PCDH9: variants seen among roughly 807,000 people sequenced by gnomAD.
The protein encoded by PCDH9 is protocadherin 9.
In PCDH9, 24 loss-of-function variants were observed where a neutral mutation model predicts 70.6. The observed-to-expected ratio is 0.34, with a 90% confidence interval of 0.25 to 0.48. The LOEUF (loss-of-function observed/expected upper bound fraction) is 0.48, where lower values mean the gene tolerates loss of function less well. Among genes scored for constraint, PCDH9 ranks in the 20% least tolerant of loss-of-function variants. The pLI, the probability that PCDH9 is intolerant of heterozygous loss-of-function variation, is 0.99. For missense variants in PCDH9, 1,281 were observed against 1,503.6 expected, an observed-to-expected ratio of 0.85 and a Z score of 2.45; for synonymous variants, 562 against 558.5, an observed-to-expected ratio of 1.01 and a Z score of -0.09.
At chr13:66,965,548 C>A (rs1434724608) in intron 2 of PCDH9, among the ~76,000 whole-genome samples, 2 of 152,116 alleles carry the variant, frequency 1.3e-5, no homozygotes, top group Non-Finnish European at 2.9e-5. Context: ...CTCAAAGATT[C>A]CAAATGTGAC....
At chr13:66,793,972 G>A (rs938883558) in intron 3 of PCDH9, among the ~76,000 whole-genome samples, 6 of 151,968 alleles carry the variant, frequency 3.9e-5, no homozygotes, top group Non-Finnish European at 5.9e-5. Context: ...CTCTAAACCC[G>A]ACATTGCTAA....
At chr13:66,592,439 A>G (rs1426061430) in intron 4 of PCDH9, among the ~76,000 whole-genome samples, 1 of 151,714 alleles carries the variant, frequency 6.6e-6, no homozygotes, top group African/African-American at 2.4e-5. Context: ...GTACTACTGA[A>G]ATTTGATATA....
At chr13:67,156,452 AC>A (rs774236821) in intron 2 of PCDH9, among the ~76,000 whole-genome samples, 6 of 151,896 alleles carry the variant, frequency 4.0e-5, no homozygotes, top group Non-Finnish European at 8.8e-5. Flanking sequence ...CCGACAGGAC[AC>A]ACGCCGGCAC....
chr13:66,647,843 T>A (rs770320332), intron 3 of PCDH9, among the ~76,000 whole-genome samples: 1 of 151,822 alleles, frequency 6.6e-6, no homozygotes, highest in Non-Finnish European at 1.5e-5. Flanking sequence ...AGGGAGTGTC[T>A]CATACTCACG....
intron 3 of PCDH9, among the ~76,000 whole-genome samples, chr13:66,775,598 C>A (rs567376025): frequency 3.3e-5 from 5 of 152,266 alleles, no homozygotes; most frequent in African/African-American, 1.2e-4. Context: ...TTTGTGATGA[C>A]CCACTTCCAC....
chr13:66,825,730 CA>C (rs1163524979), intron 3 of PCDH9, among the ~76,000 whole-genome samples: 1 of 152,120 alleles, frequency 6.6e-6, no homozygotes, highest in Non-Finnish European at 1.5e-5. Context: ...TGTTTCAAAA[CA>C]AAGTCAACAT....
chr13:66,499,533 G>A (rs1959166175), intron 4 of PCDH9, among the ~76,000 whole-genome samples: 1 of 152,146 alleles, frequency 6.6e-6, no homozygotes, highest in African/African-American at 2.4e-5. Flanking sequence ...GCTGTTGGAG[G>A]CATATATAAA....
At chr13:66,575,280 A>AT (rs1221009446) in intron 4 of PCDH9, among the ~76,000 whole-genome samples, 1 of 152,136 alleles carries the variant, frequency 6.6e-6, no homozygotes, top group Non-Finnish European at 1.5e-5. Flanking sequence ...TGACACAGGC[A>AT]TACATGTTAG....
rs918253312 is a variant in PCDH9, at chr13:66,719,584, T to G, written c.3139-88173A>C. Among the ~76,000 whole-genome samples, 3 of 152,162 alleles carry G rather than the reference T, an allele frequency of 2.0e-5. No homozygotes were observed. The South Asian group carries it at 6.2e-4, about 31-fold the overall frequency. The stretch of plus-strand genomic sequence containing the variant: ...CAGAACTGTGAAAACTAAATATCTG[T>G]TTTTTTAATACATTATCCAGTCTAA... On this transcript the variant is annotated intron_variant, in intron 3 of 4. Coordinates refer to ENST00000377865, the MANE Select transcript of PCDH9 (RefSeq NM_203487.3).
At position 66,885,591 on chromosome 13, in the gene PCDH9, T is replaced by C. The variant is rs185428696; in HGVS notation, c.3138+17913A>G. On this transcript the variant is annotated intron_variant, in intron 3 of 4. Coordinates refer to ENST00000377865, the MANE Select transcript of PCDH9 (RefSeq NM_203487.3). ...AAGAGAGAAAGAGTTCAAGTAACAA[T>C]TGGGATTATGCATTTATATTGCCAA... Among the ~76,000 whole-genome samples, 177 of 152,256 alleles carry C rather than the reference T, an allele frequency of 1.2e-3. 2 individuals carry two copies. Among genetic ancestry groups the C allele is most frequent in the Non-Finnish European group, 2.1e-3 (140 of 68,002 alleles).
At chr13:67,097,673 A>T (rs1226676043) in intron 2 of PCDH9, among the ~76,000 whole-genome samples, 1 of 152,012 alleles carries the variant, frequency 6.6e-6, no homozygotes, top group African/African-American at 2.4e-5. Flanking sequence ...CAAAAAGAAA[A>T]TTTAATTTTA....
intron 2 of PCDH9, among the ~76,000 whole-genome samples, chr13:67,196,347 AG>A (rs2089065427): frequency 6.6e-6 from 1 of 152,104 alleles, no homozygotes; most frequent in African/African-American, 2.4e-5. Flanking sequence ...GGACTGAGAG[AG>A]AATGGTACTT....
intron 3 of PCDH9, among the ~76,000 whole-genome samples, chr13:66,747,417 T>C (rs1195626504): frequency 6.6e-6 from 1 of 152,038 alleles, no homozygotes; most frequent in Admixed American, 6.5e-5. Flanking sequence ...ATATATGGCA[T>C]GACCAAAACT....
intron 3 of PCDH9, among the ~76,000 whole-genome samples, chr13:66,718,006 GT>G (rs2139146114): frequency 6.6e-6 from 1 of 152,168 alleles, no homozygotes; most frequent in South Asian, 2.1e-4. Flanking sequence ...ACTACAGATT[GT>G]TTTTCATATT....
At chr13:66,939,240 T>C (rs1052709371) in intron 2 of PCDH9, among the ~76,000 whole-genome samples, 2 of 152,164 alleles carry the variant, frequency 1.3e-5, no homozygotes, top group South Asian at 2.1e-4. Flanking sequence ...TTAAATATAT[T>C]GTATTAATGA....
intron 4 of PCDH9, among the ~76,000 whole-genome samples, chr13:66,574,713 A>G (rs1039246392): frequency 1.8e-4 from 28 of 152,246 alleles, no homozygotes; most frequent in African/African-American, 3.1e-4. Flanking sequence ...TGATTCTTAT[A>G]AAAGACATAT....
intron 2 of PCDH9, among the ~76,000 whole-genome samples, chr13:67,142,035 G>A (rs2087405508): frequency 6.6e-6 from 1 of 152,036 alleles, no homozygotes; most frequent in Non-Finnish European, 1.5e-5. Context: ...AAAATACTGT[G>A]GTGGTGTTGG....
intron 2 of PCDH9, among the ~76,000 whole-genome samples, chr13:67,152,185 G>T (rs1404939631): frequency 6.6e-6 from 1 of 152,168 alleles, no homozygotes; most frequent in African/African-American, 2.4e-5. Context: ...CATACACCCA[G>T]AAGAAACCTG....
At chr13:66,520,502 C>T (rs9540784) in intron 4 of PCDH9, among the ~76,000 whole-genome samples, 36,895 of 152,098 alleles carry the variant, frequency 0.24, 4,871 homozygotes, top group South Asian at 0.35. Context: ...TTCAAAGCCA[C>T]ATGAAAACCT....
Sources: gnomAD v4.1 joint callset for allele counts (sites outside exome capture counted in the v4.1 genomes callset) on GRCh38, gnomAD v4.1.1 for gene constraint, MANE v1.5 for transcripts, NCBI Gene and HGNC (gene_info 2026-07-23, HGNC 2026-07-21) for gene names.